IL22RA2: variants seen among roughly 807,000 people sequenced by gnomAD.
IL22RA2 encodes interleukin 22 receptor subunit alpha 2.
A neutral mutation model predicts 30.7 loss-of-function variants in IL22RA2; 39 were observed. The ratio of observed to expected loss-of-function variants is 1.27; its 90% CI spans 0.98 to 1.66. The LOEUF (loss-of-function observed/expected upper bound fraction) is 1.66, where lower values mean the gene tolerates loss of function less well. IL22RA2 is among the 40% of genes most tolerant of loss of function. The pLI is 0.00. For missense variants in IL22RA2, 315 were observed against 312.7 expected, an observed-to-expected ratio of 1.01 and a Z score of -0.05; for synonymous variants, 103 against 105.0, an observed-to-expected ratio of 0.98 and a Z score of 0.11.
At chr6:137,166,353 A>G (rs1240069832) in intron 1 of IL22RA2, among the ~76,000 whole-genome samples, 1 of 152,204 alleles carries the variant, frequency 6.6e-6, no homozygotes, top group Admixed American at 6.5e-5. Flanking sequence ...CCATGGAGCC[A>G]TATATAAGGA....
At chr6:137,148,763 T>C (rs1227924641) in intron 5 of IL22RA2, among the ~76,000 whole-genome samples, 1 of 152,234 alleles carries the variant, frequency 6.6e-6, no homozygotes, top group East Asian at 1.9e-4. Context: ...TCCAACTATA[T>C]TGGAATAATG....
intron 1 of IL22RA2, among the ~76,000 whole-genome samples, chr6:137,169,620 A>G (rs1778692889): frequency 6.6e-6 from 1 of 152,216 alleles, no homozygotes; most frequent in African/African-American, 2.4e-5. Flanking sequence ...AAGATAATGA[A>G]TGGCCCCCTG....
At position 137,145,003 on chromosome 6, in the gene IL22RA2, A is replaced by G. The variant is rs1281088250; in HGVS notation, c.*621T>C. ...TTCAGATATCAATCCAGAAATCATA[A>G]GATTTTTTTCCCCAAAACCTGTTCT... is the stretch of plus-strand genomic sequence containing the variant. On this transcript the variant is annotated 3_prime_UTR_variant, in exon 7 of 7. Coordinates refer to ENST00000296980, the MANE Select transcript of IL22RA2 (RefSeq NM_052962.3). 1 of 151,870 alleles carries G rather than the reference A, an allele frequency of 6.6e-6. No individual in the cohort carries two copies. The highest frequency in any genetic ancestry group is 1.5e-5 in the Non-Finnish European group (1 of 67,976). The allele number at this position is 151,870 out of a possible 1,614,324, so 9.4% of individuals were successfully genotyped here.
At chr6:137,164,965 A>AT (rs28741411) in intron 1 of IL22RA2, among the ~76,000 whole-genome samples, 39 of 151,974 alleles carry the variant, frequency 2.6e-4, no homozygotes, top group African/African-American at 8.5e-4. Flanking sequence ...GATTGTAAAC[A>AT]TTTTTTTCTG....
chr6:137,171,881 G>A (rs988196784), intron 1 of IL22RA2, among the ~76,000 whole-genome samples: 12 of 152,176 alleles, frequency 7.9e-5, no homozygotes, highest in South Asian at 4.1e-4. Context: ...TCTGTTCTAC[G>A]GCAGTCTTCT....
At chr6:137,154,868 G>A in intron 5 of IL22RA2, 73 bp downstream of exon 5, 1 of 1,303,398 alleles carries the variant, frequency 7.7e-7, no homozygotes. Flanking sequence ...ACAAGGCCTA[G>A]TCACTAGCCG....
chr6:137,145,741 C>A lies in IL22RA2; in HGVS notation c.675G>T (p.Ala225=). 2.5e-6 allele frequency: 4 copies of A among 1,613,896 alleles called. No homozygotes were observed. Among genetic ancestry groups the A allele is most frequent in the Non-Finnish European group, 3.4e-6 (4 of 1,179,912 alleles). Residue 225 remains alanine, a synonymous_variant, in exon 7 of 7, where the codon GCG becomes GCT. Coordinates refer to ENST00000296980, the MANE Select transcript of IL22RA2 (RefSeq NM_052962.3). ...GTGGTGTTAGAGCTTCAATTTCAAC[C>A]GCTCTGTGAGCCCCTTCATAAACCT... ...EQKVYEGAHR[A]VEIEALTPHS...
intron 1 of IL22RA2, among the ~76,000 whole-genome samples, chr6:137,172,644 C>A (rs977856474): frequency 6.6e-6 from 1 of 152,220 alleles, no homozygotes; most frequent in East Asian, 1.9e-4. Flanking sequence ...TGCCCTCCCC[C>A]GACCTCGGCC....
Position 137,145,420 on chromosome 6 carries a change from G to T in IL22RA2, c.*204C>A. The T allele has an allele frequency of 2.3e-6, 1 of 433,310 alleles. No individual in the cohort carries two copies. Among genetic ancestry groups the T allele is most frequent in the Non-Finnish European group, 4.0e-6 (1 of 249,532 alleles). The allele number at this position is 433,310 out of a possible 1,614,324, so 26.8% of individuals were successfully genotyped here. A position where few individuals can be genotyped will look rare whatever the true frequency, so the allele number is the denominator to read the frequency against. On this transcript the variant is annotated 3_prime_UTR_variant, in exon 7 of 7. Coordinates refer to ENST00000296980, the MANE Select transcript of IL22RA2 (RefSeq NM_052962.3). ...CCTCATCTTTACATTTCAATTTTTC[G>T]GGGGGAATGTCGTTCAAATATAGTT... is the stretch of plus-strand genomic sequence containing the variant.
At chr6:137,167,544 TA>T (rs1778648586) in intron 1 of IL22RA2, among the ~76,000 whole-genome samples, 1 of 152,230 alleles carries the variant, frequency 6.6e-6, no homozygotes, top group Non-Finnish European at 1.5e-5. Context: ...ACAACCCTTC[TA>T]ACCTGGAGAC....
intron 5 of IL22RA2, among the ~76,000 whole-genome samples, chr6:137,152,076 G>C (rs1252653437): frequency 6.6e-6 from 1 of 152,088 alleles, no homozygotes; most frequent in East Asian, 1.9e-4. Flanking sequence ...GCTATGTGTG[G>C]TGGCGTATGC....
At chr6:137,149,762 C>G (rs558679431) in intron 5 of IL22RA2, among the ~76,000 whole-genome samples, 10 of 152,198 alleles carry the variant, frequency 6.6e-5, no homozygotes, top group Non-Finnish European at 1.3e-4. Context: ...ATTCTTGTAC[C>G]TGCCTACCTT....
intron 5 of IL22RA2, among the ~76,000 whole-genome samples, chr6:137,150,889 G>A (rs1158407129): frequency 6.6e-6 from 1 of 152,176 alleles, no homozygotes; most frequent in African/African-American, 2.4e-5. Context: ...TAATTAGAGA[G>A]TTGGGGGAAA....
chr6:137,165,480 T>A (rs28385760), intron 1 of IL22RA2, among the ~76,000 whole-genome samples: 2,710 of 152,206 alleles, frequency 0.018, 94 homozygotes, highest in African/African-American at 0.062. Context: ...GATGCAGAGC[T>A]AAGGAAAAGG....
intron 1 of IL22RA2, among the ~76,000 whole-genome samples, chr6:137,164,577 A>G (rs1181274498): frequency 1.3e-5 from 2 of 152,244 alleles, no homozygotes; most frequent in East Asian, 3.8e-4. Flanking sequence ...ACCTCTGGCA[A>G]AGCTTAGACA....
chr6:137,155,152 C>A (rs755902194), intron 4 of IL22RA2, 33 bp from the exon 5 acceptor site: 1 of 1,467,950 alleles, frequency 6.8e-7, no homozygotes, highest in Admixed American at 2.4e-5. Flanking sequence ...ATCTGAGTTT[C>A]TTTTCTCCAC....
At position 137,158,373 on chromosome 6, in the gene IL22RA2, G is replaced by A; in HGVS notation, c.171C>T (p.Ser57=). The A allele has an allele frequency of 6.2e-7, 1 of 1,614,182 alleles. No individual in the cohort carries two copies. Among genetic ancestry groups the A allele is most frequent in the South Asian group, 1.1e-5 (1 of 91,080 alleles). ...WQPGRALTGN[S]SVYFVQYKIM... ...TTTTGTACTGCACAAAATAGACACT[G>A]CTGTTGCCAGTAAGTGCCCTCCCAG... The change falls in exon 3 of 7, where the codon AGC becomes AGT. Residue 57 remains serine (S), a synonymous_variant. Coordinates refer to ENST00000296980, the MANE Select transcript of IL22RA2 (RefSeq NM_052962.3).
At chr6:137,163,796 T>C (rs1428740270) in intron 1 of IL22RA2, among the ~76,000 whole-genome samples, 1 of 151,926 alleles carries the variant, frequency 6.6e-6, no homozygotes, top group African/African-American at 2.4e-5. Context: ...GAAAACCATT[T>C]TGGGGATGGG....
At chr6:137,146,878 C>A (rs1370123864) in intron 6 of IL22RA2, among the ~76,000 whole-genome samples, 1 of 151,904 alleles carries the variant, frequency 6.6e-6, no homozygotes, top group East Asian at 1.9e-4. Flanking sequence ...CACCTGTAGT[C>A]CCAGCTACTT....
Sources: gnomAD v4.1 joint callset for allele counts (sites outside exome capture counted in the v4.1 genomes callset) on GRCh38, gnomAD v4.1.1 for gene constraint, MANE v1.5 for transcripts, NCBI Gene and HGNC (gene_info 2026-07-23, HGNC 2026-07-21) for gene names.